Variants in ZNF277 observed in about 807,000 individuals in gnomAD.
The protein encoded by ZNF277 is nuclear receptor-interacting factor 4.
A neutral mutation model predicts 60.7 loss-of-function variants in ZNF277; 55 were observed. The ratio of observed to expected loss-of-function variants is 0.91; its 90% CI spans 0.73 to 1.13. ZNF277 has a LOEUF of 1.13. Ranked by LOEUF, ZNF277 falls within the 50% of genes most tolerant of loss-of-function variation. The pLI, the probability that ZNF277 is intolerant of heterozygous loss-of-function variation, is 0.00. For missense variants in ZNF277, 510 were observed against 523.0 expected (o/e 0.98, Z 0.24); for synonymous variants, 178 against 179.3 (o/e 0.99, Z 0.06).
At chr7:112,332,260 T>C (rs1347266667) in intron 7 of ZNF277, among the ~76,000 whole-genome samples, 3 of 152,250 alleles carry the variant, frequency 2.0e-5, no homozygotes, top group African/African-American at 7.2e-5. Context: ...ACTTATAATC[T>C]GCAGGCACTA....
intron 1 of ZNF277, among the ~76,000 whole-genome samples, chr7:112,264,113 C>T (rs964244271): frequency 1.3e-5 from 2 of 152,122 alleles, no homozygotes; most frequent in African/African-American, 4.8e-5. Flanking sequence ...CTGCCAGCCA[C>T]AATGACCTTT....
Position 112,335,782 on chromosome 7 carries a change from A to G in ZNF277, c.802-322A>G, listed in dbSNP as rs1563233269. Among the ~76,000 whole-genome samples, 4 of 152,188 alleles carry G rather than the reference A, an allele frequency of 2.6e-5. No homozygotes were observed. In the South Asian group the frequency reaches 8.3e-4, roughly 32 times the overall value. On this transcript the variant is annotated intron_variant, in intron 7 of 11. Transcript: ENST00000361822. ...GGCCATTAGAATCCCAGATATTCTA[A>G]TACTCATTCAGGGTTTAGAAACACT...
At chr7:112,318,962 A>G (rs1215817623) in intron 5 of ZNF277, among the ~76,000 whole-genome samples, 1 of 152,086 alleles carries the variant, frequency 6.6e-6, no homozygotes, top group Non-Finnish European at 1.5e-5. Context: ...TATAAAGGAT[A>G]CAGATTAGAA....
At chr7:112,232,382 G>T (rs933337606) in intron 1 of ZNF277, among the ~76,000 whole-genome samples, 3 of 152,002 alleles carry the variant, frequency 2.0e-5, no homozygotes, top group Non-Finnish European at 4.4e-5. Context: ...CACTTCATGT[G>T]GTTTATGTCC....
chr7:112,321,350 A>T (rs1393597593), intron 5 of ZNF277, among the ~76,000 whole-genome samples: 2 of 151,990 alleles, frequency 1.3e-5, no homozygotes, highest in Non-Finnish European at 2.9e-5. Flanking sequence ...ATATGCAAAA[A>T]CTTTGCTCCA....
rs187822273 is a variant in ZNF277 at position 112,326,132 on chromosome 7, A to T, written c.558-1585A>T. Among the ~76,000 whole-genome samples the T allele has an allele frequency of 6.6e-5, 10 of 152,246 alleles. No homozygotes were observed. In the East Asian group the frequency reaches 1.9e-3, roughly 29 times the overall value. On this transcript the variant is annotated intron_variant, in intron 5 of 11. Coordinates refer to ENST00000361822, the MANE Select transcript of ZNF277 (RefSeq NM_021994.3). Reference sequence around the variant, plus strand: ...ATGGCAAGATATTTTGATCCTAGATAGACTGAGGGTGAGGGAAACCTCCCA... The same window carrying T: ...ATGGCAAGATATTTTGATCCTAGATTGACTGAGGGTGAGGGAAACCTCCCA...
At chr7:112,340,793 G>A (rs1793428286) in intron 10 of ZNF277, 79 bp from the exon 11 acceptor site, 2 of 1,220,038 alleles carry the variant, frequency 1.6e-6, no homozygotes, top group African/African-American at 1.5e-5. Context: ...AAAAATAAGT[G>A]GCTCCTTTAA....
chr7:112,260,526 T>C (rs1049099136), intron 1 of ZNF277, among the ~76,000 whole-genome samples: 3 of 152,338 alleles, frequency 2.0e-5, no homozygotes, highest in African/African-American at 7.2e-5. Flanking sequence ...ATTTCTATAA[T>C]TCATTTAAGT....
intron 6 of ZNF277, among the ~76,000 whole-genome samples, chr7:112,329,184 T>C (rs945257620): frequency 1.3e-5 from 2 of 152,150 alleles, no homozygotes; most frequent in African/African-American, 4.8e-5. Context: ...AAAAACAAAT[T>C]CAAAATTGAA....
chr7:112,300,810 G>C (rs1261269209), intron 4 of ZNF277, among the ~76,000 whole-genome samples: 3 of 151,904 alleles, frequency 2.0e-5, no homozygotes, highest in Non-Finnish European at 4.4e-5. Context: ...CCATTCTCCT[G>C]GTCACTCAGT....
intron 1 of ZNF277, among the ~76,000 whole-genome samples, chr7:112,221,486 C>T (rs116708486): frequency 0.013 from 1,915 of 152,278 alleles, 50 homozygotes; most frequent in African/African-American, 0.043. Flanking sequence ...ACAGTTTTTC[C>T]ACAGACTGGG....
chr7:112,239,966 G>A (rs1292483920), intron 1 of ZNF277, among the ~76,000 whole-genome samples: 1 of 152,140 alleles, frequency 6.6e-6, no homozygotes, highest in Admixed American at 6.5e-5. Context: ...GGTTTACAGT[G>A]TAGAGTTTTA....
intron 5 of ZNF277, among the ~76,000 whole-genome samples, chr7:112,318,657 G>A (rs892946781): frequency 6.6e-6 from 1 of 152,040 alleles, no homozygotes; most frequent in African/African-American, 2.4e-5. Context: ...GGGGGCACTG[G>A]TGATTCTATC....
chr7:112,265,686 T>A (rs1400394117), intron 1 of ZNF277, among the ~76,000 whole-genome samples: 1 of 152,198 alleles, frequency 6.6e-6, no homozygotes, highest in African/African-American at 2.4e-5. Context: ...AGAAAAATCA[T>A]CATAATGTTA....
chr7:112,285,100 G>A (rs1254314881), intron 1 of ZNF277, among the ~76,000 whole-genome samples: 1 of 152,040 alleles, frequency 6.6e-6, no homozygotes, highest in African/African-American at 2.4e-5. Context: ...CATGATCTCT[G>A]CTCACTGAAA....
intron 1 of ZNF277, among the ~76,000 whole-genome samples, chr7:112,208,136 G>A (rs1563190517): frequency 1.3e-5 from 2 of 152,186 alleles, no homozygotes; most frequent in Non-Finnish European, 2.9e-5. Context: ...CAGCACTTTG[G>A]GAGGCCGAGG....
intron 8 of ZNF277, among the ~76,000 whole-genome samples, chr7:112,336,940 G>A (rs2117140961): frequency 1.3e-5 from 2 of 152,280 alleles, no homozygotes; most frequent in African/African-American, 4.8e-5. Context: ...GCTCCCTCCT[G>A]GATGGATAGA....
chr7:112,291,724 A>AATGT (rs1013390138), intron 2 of ZNF277, among the ~76,000 whole-genome samples: 69 of 152,196 alleles, frequency 4.5e-4, no homozygotes, highest in Admixed American at 4.4e-3. Flanking sequence ...TCCGAAAGGA[A>AATGT]ATGTATATAT....
At chr7:112,299,161 T>A (rs1792418809) in intron 4 of ZNF277, among the ~76,000 whole-genome samples, 1 of 152,234 alleles carries the variant, frequency 6.6e-6, no homozygotes, top group Non-Finnish European at 1.5e-5. Flanking sequence ...CACAATTTTA[T>A]GCTACATAGT....
Sources: gnomAD v4.1 joint callset for allele counts (sites outside exome capture counted in the v4.1 genomes callset) on GRCh38, gnomAD v4.1.1 for gene constraint, MANE v1.5 for transcripts, NCBI Gene and HGNC (gene_info 2026-07-23, HGNC 2026-07-21) for gene names.